Variants in BASP1 observed in about 807,000 individuals in gnomAD.
BASP1 encodes brain abundant membrane attached signal protein 1.
A neutral mutation model predicts 2.2 loss-of-function variants in BASP1; 1 was observed. The observed-to-expected ratio is 0.46, with a 90% CI of 0.16 to 2.17. The LOEUF is 2.17. Among genes scored for constraint, BASP1 ranks in the 30% most tolerant of loss-of-function variants. The probability of loss-of-function intolerance (pLI) is 0.27; values close to 1 mark genes in which losing one functional copy is unlikely to be tolerated. For synonymous variants in BASP1, 187 were observed against 154.2 expected, an observed-to-expected ratio of 1.21 and a Z score of -1.58; for missense variants, 352 against 327.2, an observed-to-expected ratio of 1.08 and a Z score of -0.58.
rs549618725 is a variant in BASP1 at position 17,260,443 on chromosome 5, G to A, written c.-9-14765G>A. Among the ~76,000 whole-genome samples, 25 of 152,152 alleles carry A rather than the reference G, an allele frequency of 1.6e-4. 1 individual carries two copies. The East Asian group carries it at 4.3e-3, about 26-fold the overall frequency. On this transcript the variant is annotated intron_variant, in intron 1 of 1. Transcript: ENST00000322611. This position sits in a 1 kb window ranked among gnomAD's most constrained non-coding sequence, Gnocchi z 4.2. ...TAGTAACAAAAGAAAAAAAAATCTT[G>A]ACAATATCATTGTAGTGATTTCTGC... is the stretch of plus-strand genomic sequence containing the variant.
chr5:17,218,726 C>T (rs1419654938), intron 1 of BASP1, among the ~76,000 whole-genome samples: 1 of 152,026 alleles, frequency 6.6e-6, no homozygotes, highest in Admixed American at 6.5e-5. Context: ...ACCCGGCGCC[C>T]GGTTCCTGCT....
At chr5:17,239,628 T>C (rs1739821508) in intron 1 of BASP1, among the ~76,000 whole-genome samples, 1 of 152,162 alleles carries the variant, frequency 6.6e-6, no homozygotes, top group Non-Finnish European at 1.5e-5. Flanking sequence ...GTAATACAAC[T>C]TTGGTTATCT....
intron 1 of BASP1, among the ~76,000 whole-genome samples, chr5:17,229,172 G>A (rs530130436): frequency 1.1e-4 from 16 of 152,326 alleles, no homozygotes; most frequent in African/African-American, 3.8e-4. Flanking sequence ...TTAGTGTGAG[G>A]TTTAACTGGC....
chr5:17,231,816 C>T (rs1429371198), intron 1 of BASP1, among the ~76,000 whole-genome samples: 2 of 152,130 alleles, frequency 1.3e-5, no homozygotes, highest in Non-Finnish European at 2.9e-5. Flanking sequence ...TTTTGTGGAC[C>T]CATAACAGTG....
intron 1 of BASP1, among the ~76,000 whole-genome samples, chr5:17,265,875 T>C (rs930893338): frequency 6.6e-6 from 1 of 152,232 alleles, no homozygotes; most frequent in Non-Finnish European, 1.5e-5. Context: ...ACCCAAAGAA[T>C]GCATAGGCAG....
At chr5:17,234,201 G>C (rs1382465587) in intron 1 of BASP1, among the ~76,000 whole-genome samples, 1 of 152,136 alleles carries the variant, frequency 6.6e-6, no homozygotes, top group Non-Finnish European at 1.5e-5. Flanking sequence ...AGGAGTGATT[G>C]GTAGATGTTT....
In BASP1 at chr5:17,276,063, TG is replaced by T; in HGVS notation, c.*164del. 1 of 530,076 alleles carries T rather than the reference TG, an allele frequency of 1.9e-6. No individual in the cohort carries two copies. The highest frequency in any genetic ancestry group is 3.0e-6 in the Non-Finnish European group (1 of 333,394). 32.8% of individuals were successfully genotyped at this position (530,076 alleles called of 1,614,324 possible). ...TTGTTTCAAATTGGAAGTAATGATA[TG>T]TATTGCCCAAGGAAAAATACAGGAT... On this transcript the variant is annotated 3_prime_UTR_variant, in exon 2 of 2. Coordinates refer to ENST00000322611, the MANE Select transcript of BASP1 (RefSeq NM_006317.5).
intron 1 of BASP1, among the ~76,000 whole-genome samples, chr5:17,241,684 G>A (rs184545844): frequency 2.6e-5 from 4 of 152,244 alleles, no homozygotes; most frequent in African/African-American, 7.2e-5. Flanking sequence ...TGAAGCTTTC[G>A]TAGATCTGTG....
Position 17,229,944 on chromosome 5 carries a change from A to G in BASP1, c.-10+12134A>G, listed in dbSNP as rs182242610. Among the ~76,000 whole-genome samples the G allele has an allele frequency of 3.2e-3, 483 of 151,734 alleles. 4 individuals carry two copies. The highest frequency in any genetic ancestry group is 0.011 in the African/African-American group (462 of 41,154). ...ATTATAGGCGTGTGCCACCACGCCCAGCTAATTTTTTTGTATTTTTAGTAG... is the reference window on the plus strand; with the variant it reads ...ATTATAGGCGTGTGCCACCACGCCCGGCTAATTTTTTTGTATTTTTAGTAG... On this transcript the variant is annotated intron_variant, in intron 1 of 1. Coordinates refer to ENST00000322611, the MANE Select transcript of BASP1 (RefSeq NM_006317.5).
intron 1 of BASP1, among the ~76,000 whole-genome samples, chr5:17,266,814 CAAAAAAAAAA>C (rs70943882): frequency 0.012 from 1,292 of 111,472 alleles, 11 homozygotes; most frequent in East Asian, 0.025. Flanking sequence ...GATCCTGTCT[CAAAAAAAAAA>C]AAAAAAAAAA....
chr5:17,222,690 G>C (rs1231540769), intron 1 of BASP1, among the ~76,000 whole-genome samples: 1 of 152,118 alleles, frequency 6.6e-6, no homozygotes, highest in East Asian at 1.9e-4. Context: ...TTTTTCTTCT[G>C]CACCCTAAGG....
chr5:17,257,023 A>C (rs949442684), intron 1 of BASP1, among the ~76,000 whole-genome samples: 13 of 152,214 alleles, frequency 8.5e-5, no homozygotes, highest in Non-Finnish European at 1.3e-4. Flanking sequence ...AGATGGAAAT[A>C]GTTTGGAAAA....
At chr5:17,240,881 A>C (rs1739848871) in intron 1 of BASP1, among the ~76,000 whole-genome samples, 1 of 152,210 alleles carries the variant, frequency 6.6e-6, no homozygotes, top group Non-Finnish European at 1.5e-5. Flanking sequence ...AACTCTTGTG[A>C]TTTTGATCTT....
intron 1 of BASP1, among the ~76,000 whole-genome samples, chr5:17,253,927 T>A (rs1354828282): frequency 6.6e-6 from 1 of 152,100 alleles, no homozygotes; most frequent in Non-Finnish European, 1.5e-5. Flanking sequence ...CTGTATCTAG[T>A]GTTTTTTTTT....
At chr5:17,217,462 G>A (rs1345150997), upstream of BASP1, 2 of 118,200 alleles carry the variant, frequency 1.7e-5, no homozygotes, top group Non-Finnish European at 3.6e-5. Flanking sequence ...TGGAGGGGGT[G>A]GAGGGGAGAC....
At chr5:17,254,339 A>G (rs1667022177) in intron 1 of BASP1, among the ~76,000 whole-genome samples, 1 of 152,196 alleles carries the variant, frequency 6.6e-6, no homozygotes, top group South Asian at 2.1e-4. Context: ...GCACTCATGC[A>G]TGGCAGTGTT....
intron 1 of BASP1, among the ~76,000 whole-genome samples, chr5:17,265,340 G>A (rs1200376168): frequency 6.6e-6 from 1 of 152,152 alleles, no homozygotes; most frequent in Non-Finnish European, 1.5e-5. Flanking sequence ...AATAATGGAT[G>A]TAACCAACAA....
rs368312667 is a variant in BASP1, at chr5:17,248,444, A to G, written c.-9-26764A>G. On this transcript the variant is annotated intron_variant, in intron 1 of 1. Transcript: ENST00000322611. Reference sequence around the variant, plus strand: ...TCAATACATATATGGTATTCATTTTATAGTGGACTATGCTGTGTTACTTTA... The same window carrying G: ...TCAATACATATATGGTATTCATTTTGTAGTGGACTATGCTGTGTTACTTTA... Among the ~76,000 whole-genome samples the G allele has an allele frequency of 8.5e-5, 13 of 152,330 alleles. No individual in the cohort carries two copies. In the East Asian group the frequency reaches 1.3e-3, roughly 16 times the overall value.
chr5:17,272,903 G>T (rs1740558583), intron 1 of BASP1, among the ~76,000 whole-genome samples: 1 of 152,112 alleles, frequency 6.6e-6, no homozygotes, highest in African/African-American at 2.4e-5. Context: ...TAAACCTCTG[G>T]GGATTGCTGT....
Sources: gnomAD v4.1 joint callset for allele counts (sites outside exome capture counted in the v4.1 genomes callset) on GRCh38, gnomAD v4.1.1 for gene constraint, Gnocchi (gnomAD v3.1) non-coding constraint, MANE v1.5 for transcripts, NCBI Gene and HGNC (gene_info 2026-07-23, HGNC 2026-07-21) for gene names.